Variants in DNAJC1 observed in about 807,000 individuals in gnomAD.
DNAJC1 encodes DnaJ heat shock protein family (Hsp40) member C1, also known as dnaJ homolog subfamily C member 1.
In DNAJC1, 58 loss-of-function variants were observed where a neutral mutation model predicts 76.6. The ratio of observed to expected loss-of-function variants is 0.76; its 90% CI spans 0.61 to 0.94. The LOEUF (loss-of-function observed/expected upper bound fraction) is 0.94, where lower values mean the gene tolerates loss of function less well. DNAJC1 is among the 40% of genes least tolerant of loss of function. The pLI, the probability that DNAJC1 is intolerant of heterozygous loss-of-function variation, is 0.00. For missense variants in DNAJC1, 689 were observed against 677.3 expected, an observed-to-expected ratio of 1.02 and a Z score of -0.19; for synonymous variants, 258 against 267.9, an observed-to-expected ratio of 0.96 and a Z score of 0.36.
intron 1 of DNAJC1, among the ~76,000 whole-genome samples, chr10:21,966,631 T>C (rs1837893690): frequency 6.6e-6 from 1 of 152,052 alleles, no homozygotes. Flanking sequence ...ATTTGGCCAC[T>C]GAGAGATCCT....
At chr10:21,757,235 T>C (rs1834186981) in intron 11 of DNAJC1, among the ~76,000 whole-genome samples, 1 of 152,174 alleles carries the variant, frequency 6.6e-6, no homozygotes, top group Non-Finnish European at 1.5e-5. Context: ...GGAATACTCA[T>C]TCCTGCTCCT....
intron 9 of DNAJC1, among the ~76,000 whole-genome samples, chr10:21,801,679 C>A (rs190722007): frequency 6.6e-6 from 1 of 152,284 alleles, no homozygotes; most frequent in Non-Finnish European, 1.5e-5. Flanking sequence ...CATAAAGACA[C>A]ATGCACGTGA....
intron 10 of DNAJC1, among the ~76,000 whole-genome samples, chr10:21,765,314 C>A (rs747857489): frequency 6.6e-6 from 1 of 152,014 alleles, no homozygotes; most frequent in African/African-American, 2.4e-5. Flanking sequence ...GTGATCCTCC[C>A]GCCTCGGCCT....
Position 21,980,046 on chromosome 10 carries a change from G to A in DNAJC1, c.222+23167C>T, listed in dbSNP as rs969690593. ...AGAATCAAAACATTAACAGAGTTGCGGGGCTGGAAAGTCCTTAGGTTATCT... is the reference window on the plus strand; with the variant it reads ...AGAATCAAAACATTAACAGAGTTGCAGGGCTGGAAAGTCCTTAGGTTATCT... On this transcript the variant is annotated intron_variant, in intron 1 of 11. Transcript: ENST00000376980. 4.0e-5 allele frequency among the ~76,000 whole-genome samples: 6 copies of A among 151,890 alleles called. No individual in the cohort carries two copies. In the East Asian group the frequency reaches 5.8e-4, roughly 15 times the overall value.
At chr10:21,822,172 C>T (rs541978771) in intron 8 of DNAJC1, among the ~76,000 whole-genome samples, 1 of 152,234 alleles carries the variant, frequency 6.6e-6, no homozygotes, top group South Asian at 2.1e-4. Context: ...ACTGGCAGGG[C>T]ACAGTGGCTC....
intron 8 of DNAJC1, among the ~76,000 whole-genome samples, chr10:21,839,832 C>T (rs1224908450): frequency 6.6e-6 from 1 of 152,222 alleles, no homozygotes; most frequent in Non-Finnish European, 1.5e-5. Flanking sequence ...CCTTGATGAA[C>T]ATCGATGCAA....
At chr10:21,834,612 A>G (rs1835418959) in intron 8 of DNAJC1, among the ~76,000 whole-genome samples, 1 of 152,052 alleles carries the variant, frequency 6.6e-6, no homozygotes, top group Non-Finnish European at 1.5e-5. Context: ...AAATCGGGTC[A>G]CTCCCACCCT....
chr10:21,853,118 A>T (rs1835782151), intron 8 of DNAJC1, among the ~76,000 whole-genome samples: 1 of 152,192 alleles, frequency 6.6e-6, no homozygotes, highest in South Asian at 2.1e-4. Flanking sequence ...AAATAATCTA[A>T]ACTTCTTATC....
At chr10:21,916,844 T>A (rs1302681516) in intron 6 of DNAJC1, among the ~76,000 whole-genome samples, 2 of 152,172 alleles carry the variant, frequency 1.3e-5, no homozygotes, top group African/African-American at 4.8e-5. Flanking sequence ...TATTATAATA[T>A]ATATTTGAAA....
intron 1 of DNAJC1, among the ~76,000 whole-genome samples, chr10:21,991,139 T>C (rs1346184983): frequency 6.6e-6 from 1 of 152,158 alleles, no homozygotes; most frequent in Non-Finnish European, 1.5e-5. Flanking sequence ...GGAAAGAATA[T>C]AGTGAATATT....
At chr10:21,935,380 T>C (rs1837294652) in intron 1 of DNAJC1, among the ~76,000 whole-genome samples, 1 of 151,852 alleles carries the variant, frequency 6.6e-6, no homozygotes, top group African/African-American at 2.4e-5. Context: ...CAGGCTTGAG[T>C]AGGCAGAAGA....
chr10:21,779,333 G>A (rs2075178914), intron 9 of DNAJC1, among the ~76,000 whole-genome samples: 9 of 152,142 alleles, frequency 5.9e-5, no homozygotes, highest in Admixed American at 5.9e-4. Context: ...AGCCTGTCTG[G>A]GAGGCACCTC....
intron 8 of DNAJC1, chr10:21,860,996 CA>C (rs1835910396): frequency 6.6e-6 from 1 of 152,234 alleles, no homozygotes; most frequent in Non-Finnish European, 1.5e-5. Flanking sequence ...TGCTTAATCA[CA>C]CAGTTCTACA....
intron 6 of DNAJC1, among the ~76,000 whole-genome samples, chr10:21,913,674 C>T (rs747454391): frequency 1.3e-4 from 20 of 152,030 alleles, no homozygotes; most frequent in Non-Finnish European, 2.6e-4. Flanking sequence ...GGTTACAAGC[C>T]GAACACAACC....
At chr10:21,936,036 G>GA (rs1564832194) in intron 1 of DNAJC1, among the ~76,000 whole-genome samples, 1 of 152,198 alleles carries the variant, frequency 6.6e-6, no homozygotes, top group Non-Finnish European at 1.5e-5. Flanking sequence ...TAAAGATAAT[G>GA]CTGTGGTCTG....
At chr10:21,845,267 G>A (rs965804684) in intron 8 of DNAJC1, among the ~76,000 whole-genome samples, 1 of 151,844 alleles carries the variant, frequency 6.6e-6, no homozygotes, top group Non-Finnish European at 1.5e-5. Context: ...CAAGCAAGCT[G>A]GAGGGGAAAA....
chr10:21,883,845 G>C (rs1294628038), intron 7 of DNAJC1, among the ~76,000 whole-genome samples: 1 of 152,102 alleles, frequency 6.6e-6, no homozygotes, highest in Admixed American at 6.6e-5. Context: ...CTATCATAAA[G>C]TCAAAAAATT....
At chr10:21,908,033 A>AATATATAAT (rs56060478) in intron 6 of DNAJC1, among the ~76,000 whole-genome samples, 8 of 113,116 alleles carry the variant, frequency 7.1e-5, no homozygotes, top group African/African-American at 2.8e-4. Flanking sequence ...ATAAATATAT[A>AATATATAAT]ATATAATATA....
chr10:21,960,091 T>C (rs977187691), intron 1 of DNAJC1, among the ~76,000 whole-genome samples: 5 of 152,212 alleles, frequency 3.3e-5, no homozygotes, highest in Admixed American at 6.5e-5. Context: ...AGCCCCTGCC[T>C]GGCACCTTCT....
Sources: allele counts gnomAD v4.1 joint callset (sites outside exome capture counted in the v4.1 genomes callset), GRCh38; gene constraint gnomAD v4.1.1; transcripts MANE v1.5; gene names NCBI Gene and HGNC (gene_info 2026-07-23, HGNC 2026-07-21).